ERG: variants seen among roughly 807,000 people sequenced by gnomAD.
ERG encodes ETS transcription factor ERG, also known as transcriptional regulator ERG.
Under a neutral mutation model 55.3 loss-of-function variants are expected in ERG, and 9 were observed. The ratio of observed to expected loss-of-function variants is 0.16; its 90% CI spans 0.10 to 0.28. ERG has a LOEUF of 0.28. ERG is among the 10% of genes least tolerant of loss of function. The pLI is 1.00. For synonymous variants in ERG, 223 were observed against 237.3 expected (o/e 0.94, Z 0.55); for missense variants, 434 against 631.6 (o/e 0.69, Z 3.35).
intron 3 of ERG, among the ~76,000 whole-genome samples, chr21:38,419,095 C>A (rs1195375712): frequency 6.6e-6 from 1 of 152,100 alleles, no homozygotes; most frequent in Non-Finnish European, 1.5e-5. Flanking sequence ...CTTGGGTTTA[C>A]GACAGTGTAA....
intron 1 of ERG, among the ~76,000 whole-genome samples, chr21:38,598,322 A>G (rs547660077): frequency 6.6e-6 from 1 of 152,342 alleles, no homozygotes; most frequent in African/African-American, 2.4e-5. Context: ...AGACTGGCTC[A>G]GTGAACCCCA....
intron 2 of ERG, among the ~76,000 whole-genome samples, chr21:38,535,910 C>G (rs1398346647): frequency 6.6e-6 from 1 of 152,110 alleles, no homozygotes; most frequent in African/African-American, 2.4e-5. Context: ...TATTTTCAAC[C>G]AATAAGAAAA....
At chr21:38,526,455 TATGTC>T (rs1281461545) in intron 2 of ERG, among the ~76,000 whole-genome samples, 1 of 152,228 alleles carries the variant, frequency 6.6e-6, no homozygotes, top group Non-Finnish European at 1.5e-5. Flanking sequence ...TAGTCTACAC[TATGTC>T]ACAGCGGACT....
In ERG at chr21:38,605,856, T is replaced by C. The variant is rs544582183; in HGVS notation, c.-149-20911A>G. ...GATAGATAGATGATAGAAAGATAGA[T>C]AGATAATAGCTAGATAGATAAATGA... On this transcript the variant is annotated intron_variant, in intron 1 of 10. Coordinates refer to the ERG transcript ENST00000398910. 3.9e-5 allele frequency among the ~76,000 whole-genome samples: 6 copies of C among 152,138 alleles called. No homozygotes were observed. In the South Asian group the frequency reaches 6.2e-4, roughly 16 times the overall value.
At chr21:38,553,117 A>C (rs1244604716) in intron 2 of ERG, among the ~76,000 whole-genome samples, 4 of 152,128 alleles carry the variant, frequency 2.6e-5, no homozygotes, top group African/African-American at 2.4e-5. Flanking sequence ...ACAATACTTA[A>C]GGGTACAGAT....
intron 6 of ERG, among the ~76,000 whole-genome samples, chr21:38,394,757 A>G (rs984319993): frequency 6.6e-6 from 1 of 152,190 alleles, no homozygotes; most frequent in African/African-American, 2.4e-5. Flanking sequence ...GTTCCTGCAG[A>G]TGATTTCAGA....
At chr21:38,599,302 A>G (rs1266889665) in intron 1 of ERG, among the ~76,000 whole-genome samples, 1 of 151,380 alleles carries the variant, frequency 6.6e-6, no homozygotes, top group African/African-American at 2.5e-5. Context: ...GAGGTGTACC[A>G]GGGTGAAGCT....
At chr21:38,544,851 C>T (rs1370561277) in intron 2 of ERG, among the ~76,000 whole-genome samples, 1 of 152,026 alleles carries the variant, frequency 6.6e-6, no homozygotes, top group South Asian at 2.1e-4. Context: ...TTGACTCATC[C>T]TATTTTCCCA....
At chr21:38,520,601 G>T (rs2059587179) in intron 2 of ERG, among the ~76,000 whole-genome samples, 1 of 152,152 alleles carries the variant, frequency 6.6e-6, no homozygotes, top group African/African-American at 2.4e-5. Flanking sequence ...GTACAGAAAA[G>T]GTTTGTCAAC....
At chr21:38,467,656 A>G (rs1355246102) in intron 1 of ERG, among the ~76,000 whole-genome samples, 1 of 152,186 alleles carries the variant, frequency 6.6e-6, no homozygotes, top group Non-Finnish European at 1.5e-5. Context: ...GGCCATATAG[A>G]AATCTATTAA....
chr21:38,371,482 A>G, the ERG span, among the ~76,000 whole-genome samples: 1 of 152,064 alleles, frequency 6.6e-6, no homozygotes. Flanking sequence ...TTTTAATTAT[A>G]TAGCTTTATG....
At position 38,579,883 on chromosome 21, in the gene ERG, C is replaced by CGG; in HGVS notation, c.-126-4137_-126-4136insCC. On this transcript the variant is annotated intron_variant, in intron 1 of 8. Coordinates refer to the ERG transcript ENST00000398897. The stretch of plus-strand genomic sequence containing the variant: ...TTGCCCAGGCTGGAGTGCAGTGGTA[C>CGG]GATCTCGGCTCACTGCAACCTCTGC... 2.0e-5 allele frequency among the ~76,000 whole-genome samples: 3 copies of CGG among 151,208 alleles called. 1 individual carries two copies.
upstream of ERG, among the ~76,000 whole-genome samples, chr21:38,502,946 C>T (rs537380928): frequency 8.5e-5 from 13 of 152,158 alleles, no homozygotes; most frequent in South Asian, 2.5e-3. Flanking sequence ...AGGATGGTCT[C>T]GATCTCTTGA....
chr21:38,610,687 T>C (rs1469998372), intron 1 of ERG, among the ~76,000 whole-genome samples: 1 of 152,102 alleles, frequency 6.6e-6, no homozygotes, highest in African/African-American at 2.4e-5. Context: ...TGTGCTGTGG[T>C]GTGAGAAAGG....
intron 1 of ERG, among the ~76,000 whole-genome samples, chr21:38,593,798 G>T (rs893650927): frequency 1.3e-5 from 2 of 152,156 alleles, no homozygotes; most frequent in African/African-American, 4.8e-5. Flanking sequence ...ATTAAAGAGA[G>T]ATTACATATA....
At chr21:38,630,433 C>A (rs1386567043) in intron 1 of ERG, among the ~76,000 whole-genome samples, 1 of 152,150 alleles carries the variant, frequency 6.6e-6, no homozygotes, top group Non-Finnish European at 1.5e-5. Context: ...CAACTCCAGT[C>A]ATCATCTCAG....
chr21:38,566,250 C>T (rs1258288854), intron 2 of ERG, among the ~76,000 whole-genome samples: 1 of 152,198 alleles, frequency 6.6e-6, no homozygotes, highest in Non-Finnish European at 1.5e-5. Flanking sequence ...AGTAGGACTT[C>T]TTCCTATTCA....
chr21:38,440,947 C>T (rs2058835759), intron 2 of ERG, among the ~76,000 whole-genome samples: 1 of 152,162 alleles, frequency 6.6e-6, no homozygotes, highest in Non-Finnish European at 1.5e-5. Flanking sequence ...TTCCCCCATT[C>T]CCCTTCAGGA....
intron 3 of ERG, among the ~76,000 whole-genome samples, chr21:38,413,474 A>C (rs976276556): frequency 7.9e-5 from 12 of 152,140 alleles, no homozygotes; most frequent in East Asian, 1.9e-4. Flanking sequence ...AATTGTCAAA[A>C]ATTACTTATA....
Sources: gnomAD v4.1 joint callset for allele counts (sites outside exome capture counted in the v4.1 genomes callset) on GRCh38, gnomAD v4.1.1 for gene constraint, MANE v1.5 for transcripts, NCBI Gene and HGNC (gene_info 2026-07-23, HGNC 2026-07-21) for gene names.